Variants in TLL1 observed in about 807,000 individuals in gnomAD.
The protein encoded by TLL1 is tolloid-like protein 1.
Under a neutral mutation model 128.2 loss-of-function variants are expected in TLL1, and 49 were observed. The observed-to-expected ratio is 0.38, with a 90% CI of 0.30 to 0.48. The LOEUF is 0.48. Among genes scored for constraint, TLL1 ranks in the 20% least tolerant of loss-of-function variants. The pLI is 0.96. For synonymous variants in TLL1, 454 were observed against 418.8 expected, an observed-to-expected ratio of 1.08 and a Z score of -1.03; for missense variants, 1,123 against 1,242.0, an observed-to-expected ratio of 0.90 and a Z score of 1.44.
intron 1 of TLL1, among the ~76,000 whole-genome samples, chr4:165,945,615 C>G (rs924500170): frequency 6.6e-6 from 1 of 151,710 alleles, no homozygotes; most frequent in African/African-American, 2.4e-5. Context: ...ATTGTAAACA[C>G]TAGAACAACA....
chr4:166,063,354 A>G (rs1360192041), intron 15 of TLL1, among the ~76,000 whole-genome samples: 1 of 152,162 alleles, frequency 6.6e-6, no homozygotes, highest in Non-Finnish European at 1.5e-5. Context: ...GGTGCTGGAG[A>G]GGATGTGGAG....
rs1732914067 is a variant in TLL1, at chr4:165,919,117, C to T, written c.169+45044C>T. 2.0e-5 allele frequency among the ~76,000 whole-genome samples: 3 copies of T among 152,158 alleles called. No homozygotes were observed. The South Asian group carries it at 6.2e-4, about 32-fold the overall frequency. On this transcript the variant is annotated intron_variant, in intron 1 of 20. Coordinates refer to ENST00000061240, the MANE Select transcript of TLL1 (RefSeq NM_012464.5). ...GAAGAATAGGCCAGGCACAGTGGCT[C>T]ACACCTGTAGTCCCAGCAGTTTGGA...
chr4:165,891,996 G>A (rs980559342), intron 1 of TLL1, among the ~76,000 whole-genome samples: 8 of 152,228 alleles, frequency 5.3e-5, no homozygotes, highest in Admixed American at 1.3e-4. Flanking sequence ...TTGACTCACT[G>A]TTCAGCATGG....
At chr4:165,977,082 G>A (rs1002576422) in intron 1 of TLL1, among the ~76,000 whole-genome samples, 1 of 152,124 alleles carries the variant, frequency 6.6e-6, no homozygotes, top group South Asian at 2.1e-4. Flanking sequence ...GGTTAATGTG[G>A]ACTAAAGACA....
At chr4:166,059,646 A>G (rs773189570) in intron 14 of TLL1, among the ~76,000 whole-genome samples, 7 of 152,042 alleles carry the variant, frequency 4.6e-5, no homozygotes, top group Non-Finnish European at 8.8e-5. Flanking sequence ...CTCAATTCCG[A>G]CAAAAAAAAA....
rs1375024267 is a variant in TLL1, at chr4:166,101,204, C to G, written c.*328C>G. The stretch of plus-strand genomic sequence containing the variant: ...ACAGTTTAATTCAGGAACTGTGACC[C>G]TGCAGTGTTCTTTTTGACAATTTGT... On this transcript the variant is annotated 3_prime_UTR_variant, in exon 21 of 21. Transcript: ENST00000061240. The G allele has an allele frequency of 3.1e-6, 1 of 327,780 alleles. No homozygotes were observed. Among genetic ancestry groups the G allele is most frequent in the Non-Finnish European group, 5.8e-6 (1 of 173,316 alleles). The allele number at this position is 327,780 out of a possible 1,614,324, so 20.3% of individuals were successfully genotyped here.
chr4:166,041,231 A>G (rs573067807), intron 10 of TLL1, among the ~76,000 whole-genome samples: 1 of 152,148 alleles, frequency 6.6e-6, no homozygotes, highest in East Asian at 1.9e-4. Context: ...GGTTTTCCTC[A>G]GGAGTGCTGT....
In TLL1 at chr4:165,943,909, AG is replaced by A. The variant is rs529881738; in HGVS notation, c.170-45470del. On this transcript the variant is annotated intron_variant, in intron 1 of 20. Transcript: ENST00000061240. ...GGTTTTCCTATTCCGCTTTCCTTTTAGGAATTGACCTCTTTGTGGTTGTACA... is the reference window on the plus strand; with the variant it reads ...GGTTTTCCTATTCCGCTTTCCTTTTAGAATTGACCTCTTTGTGGTTGTACA... 2.6e-4 allele frequency among the ~76,000 whole-genome samples: 39 copies of A among 152,172 alleles called. No homozygotes were observed. The South Asian group carries it at 4.1e-3, about 16-fold the overall frequency.
At chr4:165,952,770 G>A (rs1734586205) in intron 1 of TLL1, among the ~76,000 whole-genome samples, 1 of 151,772 alleles carries the variant, frequency 6.6e-6, no homozygotes, top group Non-Finnish European at 1.5e-5. Context: ...ATTGGTGGCT[G>A]GGGGGGTAAT....
At chr4:166,003,343 T>C in intron 5 of TLL1, 48 bp from the exon 6 acceptor site, 1 of 1,602,936 alleles carries the variant, frequency 6.2e-7, no homozygotes, top group East Asian at 2.2e-5. Flanking sequence ...TTGTCAGTTG[T>C]CCAGCACCAC....
intron 1 of TLL1, among the ~76,000 whole-genome samples, chr4:165,935,766 T>C (rs1332281434): frequency 1.3e-5 from 2 of 152,234 alleles, no homozygotes; most frequent in African/African-American, 4.8e-5. Context: ...TCTTTTAATC[T>C]ACAGGTTCTT....
chr4:165,942,401 C>T (rs1010202092), intron 1 of TLL1, among the ~76,000 whole-genome samples: 6 of 151,858 alleles, frequency 4.0e-5, no homozygotes, highest in African/African-American at 1.4e-4. Context: ...ATACTGTGGG[C>T]TCCCATGTCA....
At chr4:165,939,079 T>G (rs1333408607) in intron 1 of TLL1, among the ~76,000 whole-genome samples, 1 of 152,080 alleles carries the variant, frequency 6.6e-6, no homozygotes, top group Non-Finnish European at 1.5e-5. Context: ...ATATTAAGTT[T>G]GAAGTGCAGA....
In TLL1 at chr4:166,003,490, T is replaced by C. The variant is rs1737261491; in HGVS notation, c.732T>C (p.His244=). Residue 244 remains histidine (H), a synonymous_variant, in exon 6 of 21, where the codon CAT becomes CAC. Coordinates refer to ENST00000061240, the MANE Select transcript of TLL1 (RefSeq NM_012464.5). ...KFGIVVHELG[H]VIGFWHEHTR... is the part of the protein sequence containing the mutation. ...GGATTGTTGTTCATGAATTGGGTCA[T>C]GTGATAGGCTTTTGGCATGAACACA... 1.9e-6 allele frequency: 3 copies of C among 1,613,922 alleles called. No individual in the cohort carries two copies. Among genetic ancestry groups the C allele is most frequent in the Non-Finnish European group, 2.5e-6 (3 of 1,179,974 alleles).
chr4:166,004,857 A>G (rs2111036010), intron 6 of TLL1, among the ~76,000 whole-genome samples: 1 of 152,156 alleles, frequency 6.6e-6, no homozygotes, highest in African/African-American at 2.4e-5. Flanking sequence ...GTGGGGAATA[A>G]TTAAAGGATT....
At chr4:165,915,251 C>G (rs1024754793) in intron 1 of TLL1, among the ~76,000 whole-genome samples, 21 of 152,138 alleles carry the variant, frequency 1.4e-4, no homozygotes, top group Admixed American at 9.2e-4. Context: ...ATAGCTCAAA[C>G]TGGAATTCTT....
intron 1 of TLL1, among the ~76,000 whole-genome samples, chr4:165,950,371 G>A (rs755847861): frequency 4.6e-5 from 7 of 152,082 alleles, no homozygotes; most frequent in South Asian, 2.1e-4. Context: ...ACAAATAGGC[G>A]ATAAATGAGC....
chr4:166,074,857 T>C (rs966738686), intron 16 of TLL1, 21 bp from the exon 17 acceptor site: 2 of 1,612,410 alleles, frequency 1.2e-6, no homozygotes, highest in Non-Finnish European at 1.7e-6. Flanking sequence ...TACTAGACTA[T>C]GGGATTGATC....
At chr4:166,096,210 G>GGTGTGTGT (rs60978680) in intron 19 of TLL1, among the ~76,000 whole-genome samples, 73 of 145,554 alleles carry the variant, frequency 5.0e-4, no homozygotes, top group African/African-American at 1.5e-3. Flanking sequence ...TTCTGTCATG[G>GGTGTGTGT]GTGTGTGTGT....
Sources: allele counts gnomAD v4.1 joint callset (sites outside exome capture counted in the v4.1 genomes callset), GRCh38; gene constraint gnomAD v4.1.1; transcripts MANE v1.5; gene names NCBI Gene and HGNC (gene_info 2026-07-23, HGNC 2026-07-21).